The following CFAP299 variants were observed in gnomAD, a reference collection of about 807,000 sequenced individuals.
CFAP299 encodes cilia and flagella associated protein 299.
CFAP299 carries 21 observed loss-of-function variants against 27.0 expected under a neutral mutation model. The observed-to-expected ratio is 0.78, with a 90% confidence interval of 0.55 to 1.12. CFAP299 has a LOEUF of 1.12. Among genes scored for constraint, CFAP299 ranks in the 50% most tolerant of loss-of-function variants. The pLI is 0.00. For synonymous variants in CFAP299, 104 were observed against 98.1 expected (o/e 1.06, Z -0.36); for missense variants, 310 against 276.6 (o/e 1.12, Z -0.86).
intron 1 of CFAP299, among the ~76,000 whole-genome samples, chr4:80,355,432 A>G (rs1452472336): frequency 7.4e-6 from 1 of 135,142 alleles, no homozygotes; most frequent in Non-Finnish European, 1.5e-5. Context: ...ATCTCGGCTC[A>G]CTGCAACCTC....
chr4:80,900,820 AG>A (rs1413490071), intron 4 of CFAP299, among the ~76,000 whole-genome samples: 1 of 151,888 alleles, frequency 6.6e-6, no homozygotes, highest in African/African-American at 2.4e-5. Flanking sequence ...TAATTAGACA[AG>A]TTTGTTGACC....
At chr4:80,459,445 A>ATGTCTCAAGTCACCCACTTGT (rs1729331152) in intron 2 of CFAP299, among the ~76,000 whole-genome samples, 1 of 152,202 alleles carries the variant, frequency 6.6e-6, no homozygotes. Flanking sequence ...AGTGCACTTG[A>ATGTCTCAAGTCACCCACTTGT]TGTCTCAAGT....
At chr4:80,611,845 A>G (rs1737998496) in intron 3 of CFAP299, among the ~76,000 whole-genome samples, 1 of 151,980 alleles carries the variant, frequency 6.6e-6, no homozygotes, top group Admixed American at 6.6e-5. Flanking sequence ...GAATAACTGA[A>G]TTGTGTCATT....
rs150570105 is a variant in CFAP299 at position 80,364,315 on chromosome 4, G to T, written c.242+1431G>T. ...ATACGGCTGAGTTCTCCAGTTCCTT[G>T]GTTGTCATTTGGGGGCTGGTCTTTG... is the stretch of plus-strand genomic sequence containing the variant. On this transcript the variant is annotated intron_variant, in intron 2 of 5. Coordinates refer to ENST00000358105, the MANE Select transcript of CFAP299 (RefSeq NM_152770.3). 1.1e-4 allele frequency among the ~76,000 whole-genome samples: 16 copies of T among 152,084 alleles called. No individual in the cohort carries two copies. In the East Asian group the frequency reaches 3.1e-3, roughly 29 times the overall value.
chr4:80,357,701 TTG>T (rs1310824489), intron 1 of CFAP299, among the ~76,000 whole-genome samples: 3 of 152,104 alleles, frequency 2.0e-5, no homozygotes, highest in Non-Finnish European at 4.4e-5. Flanking sequence ...TTGTTTCTGA[TTG>T]TGTTTATTTG....
chr4:80,929,827 G>A (rs1736516880), intron 4 of CFAP299, among the ~76,000 whole-genome samples: 1 of 152,100 alleles, frequency 6.6e-6, no homozygotes, highest in African/African-American at 2.4e-5. Flanking sequence ...TGGTAAACAA[G>A]GCCTTCTGAG....
intron 2 of CFAP299, among the ~76,000 whole-genome samples, chr4:80,518,918 GACA>G (rs1732750537): frequency 6.6e-6 from 1 of 152,126 alleles, no homozygotes; most frequent in South Asian, 2.1e-4. Context: ...AAACACTGAA[GACA>G]TACAAATACA....
intron 3 of CFAP299, among the ~76,000 whole-genome samples, chr4:80,794,273 C>T (rs1727730182): frequency 6.6e-6 from 1 of 152,114 alleles, no homozygotes; most frequent in Non-Finnish European, 1.5e-5. Flanking sequence ...TGGCAGCATT[C>T]CTCCTTCTGG....
In CFAP299 at chr4:80,390,865, G is replaced by A. The variant is rs1027203909; in HGVS notation, c.242+27981G>A. ...TATACACATATATGTATATGTATAT[G>A]CGCACATATATGTATATATGTATAT... On this transcript the variant is annotated intron_variant, in intron 2 of 5. Transcript: ENST00000358105. 1.7e-3 allele frequency among the ~76,000 whole-genome samples: 129 copies of A among 76,248 alleles called. 1 individual carries two copies. The highest frequency in any genetic ancestry group is 4.8e-3 in the African/African-American group (82 of 16,956). The allele number at this position is 76,248 out of a possible 152,430, so 50.0% of individuals were successfully genotyped here.
chr4:80,684,225 T>C (rs1232722137), intron 3 of CFAP299, among the ~76,000 whole-genome samples: 1 of 152,064 alleles, frequency 6.6e-6, no homozygotes, highest in African/African-American at 2.4e-5. Flanking sequence ...TAAGACTTTT[T>C]CTGTTCGTTT....
chr4:80,327,649 A>G, the CFAP299 span, among the ~76,000 whole-genome samples: 1 of 77,708 alleles, frequency 1.3e-5, no homozygotes, highest in Non-Finnish European at 3.2e-5. Context: ...AATGGAAAGC[A>G]GTGAATGGAT....
At chr4:80,453,793 A>G (rs949668903) in intron 2 of CFAP299, among the ~76,000 whole-genome samples, 3 of 149,836 alleles carry the variant, frequency 2.0e-5, no homozygotes, top group Non-Finnish European at 4.4e-5. Flanking sequence ...GTGAGCCAAG[A>G]TCTCACCACT....
At chr4:80,496,959 C>T (rs1409372513) in intron 2 of CFAP299, among the ~76,000 whole-genome samples, 1 of 152,104 alleles carries the variant, frequency 6.6e-6, no homozygotes, top group African/African-American at 2.4e-5. Flanking sequence ...AACTTACTAT[C>T]ACAAAACCTA....
intron 2 of CFAP299, among the ~76,000 whole-genome samples, chr4:80,392,123 G>A (rs1434529341): frequency 2.6e-5 from 4 of 152,126 alleles, no homozygotes. Flanking sequence ...CATTTTGGCC[G>A]ATTTCTTCCA....
At chr4:80,482,569 T>C (rs1306019348) in intron 2 of CFAP299, among the ~76,000 whole-genome samples, 2 of 152,140 alleles carry the variant, frequency 1.3e-5, no homozygotes, top group Non-Finnish European at 2.9e-5. Flanking sequence ...CAGTCTTCTC[T>C]GGGCAGAAAT....
chr4:80,482,670 T>G (rs1332362522), intron 2 of CFAP299, among the ~76,000 whole-genome samples: 1 of 152,140 alleles, frequency 6.6e-6, no homozygotes, highest in East Asian at 1.9e-4. Flanking sequence ...GGCACTGTGC[T>G]CATGCTCTTA....
At chr4:80,358,887 C>T (rs1184683283) in intron 1 of CFAP299, among the ~76,000 whole-genome samples, 1 of 152,066 alleles carries the variant, frequency 6.6e-6, no homozygotes, top group African/African-American at 2.4e-5. Flanking sequence ...ATTTTGCAGA[C>T]TTGTTTATGT....
chr4:80,780,251 C>T (rs1220874742), intron 3 of CFAP299, among the ~76,000 whole-genome samples: 2 of 152,066 alleles, frequency 1.3e-5, no homozygotes, highest in Non-Finnish European at 2.9e-5. Context: ...TCTTTAGCTG[C>T]TATTGCCTCA....
Position 80,697,290 on chromosome 4 carries a change from A to T in CFAP299, c.333+114107A>T, listed in dbSNP as rs181850021. ...TTAAAGGGTTGAATATTTTTATAGG[A>T]TATAAACCTATCTTTAACCTATCTT... On this transcript the variant is annotated intron_variant, in intron 3 of 5. Transcript: ENST00000358105. Among the ~76,000 whole-genome samples the T allele has an allele frequency of 5.1e-3, 771 of 152,312 alleles. 5 individuals carry two copies. Among genetic ancestry groups the T allele is most frequent in the Middle Eastern group, 0.02 (6 of 294 alleles).
Sources: gnomAD v4.1 joint callset for allele counts (sites outside exome capture counted in the v4.1 genomes callset) on GRCh38, gnomAD v4.1.1 for gene constraint, MANE v1.5 for transcripts, NCBI Gene and HGNC (gene_info 2026-07-23, HGNC 2026-07-21) for gene names.